Variants in DNAH9 observed in about 807,000 individuals in gnomAD.
DNAH9 encodes DNAH9 variant protein.
A neutral mutation model predicts 471.6 loss-of-function variants in DNAH9; 345 were observed. That is an observed-to-expected ratio of 0.73 (90% CI 0.67 to 0.80). DNAH9 has a LOEUF of 0.80. DNAH9 is among the 30% of genes least tolerant of loss of function. The probability of loss-of-function intolerance (pLI) is 0.00; values close to 1 mark genes in which losing one functional copy is unlikely to be tolerated. For missense variants in DNAH9, 5,407 were observed against 5,609.2 expected (o/e 0.96, Z 1.15); for synonymous variants, 2,093 against 2,123.6 (o/e 0.99, Z 0.40).
intron 36 of DNAH9, among the ~76,000 whole-genome samples, chr17:11,766,754 G>A (rs1000080003): frequency 5.9e-5 from 9 of 152,116 alleles, no homozygotes; most frequent in South Asian, 2.1e-4. Context: ...CATGAGGTCC[G>A]TAGTTCAAGA....
At chr17:11,604,481 C>G (rs2072456279) in intron 1 of DNAH9, among the ~76,000 whole-genome samples, 1 of 152,168 alleles carries the variant, frequency 6.6e-6, no homozygotes, top group Non-Finnish European at 1.5e-5. Context: ...CTCCAGCCCT[C>G]TCTTCTCCTC....
chr17:11,762,770 G>GTTTGTTTTTTTTTTTTTTTTT (rs1193246497), intron 35 of DNAH9, among the ~76,000 whole-genome samples: 2 of 90,794 alleles, frequency 2.2e-5, no homozygotes, highest in South Asian at 4.1e-4. Flanking sequence ...TTTTTTTTTT[G>GTTTGTTTTTTTTTTTTTTTTT]TTTTTTTTTT....
chr17:11,851,293 T>C (rs966687368), intron 49 of DNAH9, among the ~76,000 whole-genome samples: 14 of 152,166 alleles, frequency 9.2e-5, no homozygotes, highest in African/African-American at 3.4e-4. Flanking sequence ...ATCTTTGTAT[T>C]TTTAGTACAG....
chr17:11,941,728 A>T (rs1319611614), intron 66 of DNAH9, among the ~76,000 whole-genome samples: 2 of 149,530 alleles, frequency 1.3e-5, no homozygotes, highest in African/African-American at 2.5e-5. Flanking sequence ...AGATAGATAG[A>T]TAGATAGATA....
At chr17:11,674,956 T>G (rs1289225697) in intron 17 of DNAH9, among the ~76,000 whole-genome samples, 1 of 152,136 alleles carries the variant, frequency 6.6e-6, no homozygotes, top group African/African-American at 2.4e-5. Context: ...TCTTGACAGT[T>G]CTTGGTCCTT....
At chr17:11,722,803 C>T (rs1270025098) in intron 27 of DNAH9, among the ~76,000 whole-genome samples, 1 of 152,176 alleles carries the variant, frequency 6.6e-6, no homozygotes, top group East Asian at 1.9e-4. Context: ...ACTGCAGTTT[C>T]AGTGCTGAAA....
chr17:11,735,275 A>G (rs9911496), intron 28 of DNAH9, among the ~76,000 whole-genome samples: 4,349 of 152,146 alleles, frequency 0.029, 203 homozygotes, highest in African/African-American at 0.099. Flanking sequence ...GCCTCTACCC[A>G]CTGAATGCCG....
Position 11,653,086 on chromosome 17 carries a change from ACAGT to A in DNAH9, c.2595+89_2595+92del, listed in dbSNP as rs1041220851. The A allele has an allele frequency of 6.3e-5, 90 of 1,436,930 alleles. No individual in the cohort carries two copies. In the African/African-American group the frequency reaches 7.5e-4, roughly 12 times the overall value. 89.0% of individuals were successfully genotyped at this position (1,436,930 alleles called of 1,614,324 possible). A position where few individuals can be genotyped will look rare whatever the true frequency, so the allele number is the denominator to read the frequency against. ...GTGTTTGGATGAATAAGTGATTAGG[ACAGT>A]CAGTAAGTGCAGTGTCTTCCGAAGA... On this transcript the variant is annotated intron_variant, in intron 14 of 68. Transcript: ENST00000262442.
chr17:11,673,555 A>G (rs1323035920), intron 17 of DNAH9, among the ~76,000 whole-genome samples: 1 of 150,682 alleles, frequency 6.6e-6, no homozygotes, highest in Non-Finnish European at 1.5e-5. Flanking sequence ...AATTTTTTGT[A>G]TGCACTCCTT....
At chr17:11,939,497 T>A (rs1974827987) in intron 66 of DNAH9, among the ~76,000 whole-genome samples, 1 of 152,212 alleles carries the variant, frequency 6.6e-6, no homozygotes, top group African/African-American at 2.4e-5. Context: ...GGTTACTGGG[T>A]GCACATCTGA....
intron 67 of DNAH9, among the ~76,000 whole-genome samples, chr17:11,946,303 C>T (rs1339093889): frequency 2.0e-5 from 3 of 151,112 alleles, no homozygotes; most frequent in African/African-American, 7.3e-5. Flanking sequence ...TTTTGTCTAT[C>T]AGGAGGGGCA....
intron 45 of DNAH9, among the ~76,000 whole-genome samples, chr17:11,818,405 G>C (rs1970180305): frequency 6.6e-6 from 1 of 151,290 alleles, no homozygotes; most frequent in South Asian, 2.1e-4. Flanking sequence ...CTCCAGCCTG[G>C]TGACAGAGCA....
intron 8 of DNAH9, 37 bp downstream of exon 8, chr17:11,632,740 A>G (rs747462111): frequency 2.0e-6 from 2 of 991,648 alleles, no homozygotes; most frequent in East Asian, 4.8e-5. Context: ...TCGGTCCTGG[A>G]TACTCCCCCG....
intron 1 of DNAH9, among the ~76,000 whole-genome samples, chr17:11,603,367 T>C (rs1010295526): frequency 3.9e-5 from 6 of 152,230 alleles, no homozygotes; most frequent in Non-Finnish European, 8.8e-5. Flanking sequence ...TGAGACGCTC[T>C]TGCTTCTTTC....
intron 25 of DNAH9, among the ~76,000 whole-genome samples, chr17:11,704,671 C>T (rs2074668375): frequency 6.6e-6 from 1 of 151,798 alleles, no homozygotes; most frequent in Non-Finnish European, 1.5e-5. Context: ...GCAACCTCCA[C>T]CTCTCGGGTT....
chr17:11,630,932 A>G (rs978716548), intron 7 of DNAH9, among the ~76,000 whole-genome samples: 21 of 152,178 alleles, frequency 1.4e-4, no homozygotes, highest in Non-Finnish European at 4.4e-5. Context: ...GTCAATTATA[A>G]CTTAATAAAA....
intron 17 of DNAH9, among the ~76,000 whole-genome samples, chr17:11,676,530 G>T (rs540440241): frequency 1.2e-3 from 185 of 152,028 alleles, no homozygotes; most frequent in African/African-American, 4.2e-3. Context: ...TGATCCACCT[G>T]CCTTGGCCTC....
At chr17:11,646,173 CT>C (rs869056387) in intron 11 of DNAH9, among the ~76,000 whole-genome samples, 1 of 136,584 alleles carries the variant, frequency 7.3e-6, no homozygotes, top group Non-Finnish European at 1.6e-5. Flanking sequence ...GCCACCACGC[CT>C]GGCTAATTTT....
chr17:11,807,587 T>G, intron 43 of DNAH9, 145 bp from the exon 44 acceptor site: 1 of 879,084 alleles, frequency 1.1e-6, no homozygotes, highest in Non-Finnish European at 1.7e-6. Flanking sequence ...AGGCCAGGTT[T>G]AGGGACAATC....
Sources: gnomAD v4.1 joint callset for allele counts (sites outside exome capture counted in the v4.1 genomes callset) on GRCh38, gnomAD v4.1.1 for gene constraint, MANE v1.5 for transcripts, NCBI Gene and HGNC (gene_info 2026-07-23, HGNC 2026-07-21) for gene names.